ZFHX3: variants seen among roughly 807,000 people sequenced by gnomAD.
ZFHX3 encodes zinc finger homeobox protein 3.
ZFHX3 carries 42 observed loss-of-function variants against 279.1 expected under a neutral mutation model. That is an observed-to-expected ratio of 0.15 (90% CI 0.12 to 0.19). The LOEUF (loss-of-function observed/expected upper bound fraction) is 0.19. Ranked by LOEUF, ZFHX3 falls within the 10% of genes least tolerant of loss-of-function variation. The pLI is 1.00. For missense variants in ZFHX3, 4,981 were observed against 4,754.0 expected, an observed-to-expected ratio of 1.05 and a Z score of -1.40; for synonymous variants, 2,293 against 1,957.8, an observed-to-expected ratio of 1.17 and a Z score of -4.52.
chr16:73,198,120 G>A (rs1173478921), intron 5 of ZFHX3, among the ~76,000 whole-genome samples: 3 of 151,472 alleles, frequency 2.0e-5, no homozygotes, highest in African/African-American at 7.3e-5. Flanking sequence ...TGTATTTTTA[G>A]TAGAGGTGGG....
chr16:73,231,260 A>C (rs2012763532), intron 5 of ZFHX3, among the ~76,000 whole-genome samples: 1 of 152,202 alleles, frequency 6.6e-6, no homozygotes, highest in African/African-American at 2.4e-5. Flanking sequence ...TTGCAGGAGA[A>C]AGCCATCTAT....
At chr16:73,819,775 C>T (rs1322067860) in intron 1 of ZFHX3, among the ~76,000 whole-genome samples, 1 of 152,172 alleles carries the variant, frequency 6.6e-6, no homozygotes, top group African/African-American at 2.4e-5. Context: ...GAAGAAAGCA[C>T]ATTCAGAATG....
chr16:73,607,192 C>T (rs886748373), intron 2 of ZFHX3, among the ~76,000 whole-genome samples: 1 of 152,126 alleles, frequency 6.6e-6, no homozygotes, highest in Non-Finnish European at 1.5e-5. Flanking sequence ...CCATGCCTGG[C>T]TAATTTTTGT....
intron 3 of ZFHX3, among the ~76,000 whole-genome samples, chr16:73,378,879 C>T (rs549901645): frequency 5.3e-5 from 8 of 152,344 alleles, no homozygotes; most frequent in Middle Eastern, 3.4e-3. Flanking sequence ...TTCCGAGATA[C>T]TTACTGTAGT....
chr16:73,488,194 G>C (rs1330510255), intron 2 of ZFHX3, among the ~76,000 whole-genome samples: 1 of 152,210 alleles, frequency 6.6e-6, no homozygotes, highest in Non-Finnish European at 1.5e-5. Flanking sequence ...GCTAATGTAA[G>C]AGCTGCAAAC....
intron 3 of ZFHX3, among the ~76,000 whole-genome samples, chr16:73,378,030 C>CAAAAAAAAAAAAAAAAAAAAAA (rs71156159): frequency 5.6e-5 from 3 of 53,840 alleles, no homozygotes; most frequent in African/African-American, 1.5e-4. Flanking sequence ...GACTCTGTCT[C>CAAAAAAAAAAAAAAAAAAAAAA]AAAAAAAAAA....
chr16:73,319,834 G>C (rs1429569303), intron 3 of ZFHX3, among the ~76,000 whole-genome samples: 2 of 152,242 alleles, frequency 1.3e-5, no homozygotes, highest in Non-Finnish European at 2.9e-5. Context: ...GAAGAAGAGA[G>C]AGGAGAGAGA....
intron 3 of ZFHX3, among the ~76,000 whole-genome samples, chr16:73,413,659 A>G (rs2017513821): frequency 6.6e-6 from 1 of 152,164 alleles, no homozygotes. Flanking sequence ...TGATGATGTC[A>G]TTTATCTAAC....
chr16:73,383,535 C>A (rs1328690605), intron 3 of ZFHX3, among the ~76,000 whole-genome samples: 1 of 152,212 alleles, frequency 6.6e-6, no homozygotes, highest in Non-Finnish European at 1.5e-5. Flanking sequence ...CTGACATTTT[C>A]TGCAAAGGGA....
At chr16:73,622,611 A>T (rs1047853265) in intron 2 of ZFHX3, among the ~76,000 whole-genome samples, 3 of 152,132 alleles carry the variant, frequency 2.0e-5, no homozygotes, top group Non-Finnish European at 4.4e-5. Flanking sequence ...ATCTTCCAAC[A>T]TTAATATTTA....
Position 72,979,123 on chromosome 16 carries a change from CAT to C in ZFHX3, c.-49-18931_-49-18930del, listed in dbSNP as rs1250249508. 2.0e-5 allele frequency among the ~76,000 whole-genome samples: 3 copies of C among 152,318 alleles called. No individual in the cohort carries two copies. In the East Asian group the frequency reaches 5.8e-4, roughly 29 times the overall value. The stretch of plus-strand genomic sequence containing the variant: ...CTGAGTCCTAAGAGAGCGTGGAGCA[CAT>C]GTGATGGGCTACTTTACTCTTTTAC... On this transcript the variant is annotated intron_variant, in intron 1 of 9. Coordinates refer to ENST00000268489, the MANE Select transcript of ZFHX3 (RefSeq NM_006885.4).
chr16:73,571,753 G>A (rs535902191), intron 2 of ZFHX3, among the ~76,000 whole-genome samples: 78 of 152,164 alleles, frequency 5.1e-4, no homozygotes, highest in African/African-American at 1.8e-3. Flanking sequence ...ACACTAAGTC[G>A]AAATTCATGA....
chr16:73,662,000 G>A (rs1195208283), intron 2 of ZFHX3, among the ~76,000 whole-genome samples: 2 of 109,000 alleles, frequency 1.8e-5, no homozygotes, highest in Non-Finnish European at 3.5e-5. Context: ...TAGACACAAC[G>A]GACCAATTTT....
intron 8 of ZFHX3, among the ~76,000 whole-genome samples, chr16:73,091,797 G>C (rs1017809108): frequency 1.3e-5 from 2 of 152,176 alleles, no homozygotes; most frequent in East Asian, 3.9e-4. Flanking sequence ...GATCACTGTA[G>C]CTGAAAACCC....
At position 72,795,655 on chromosome 16, in the gene ZFHX3, G is replaced by T; in HGVS notation, c.7027C>A (p.Leu2343Ile). 1 of 1,614,052 alleles carries T rather than the reference G, an allele frequency of 6.2e-7. No individual in the cohort carries two copies. The highest frequency in any genetic ancestry group is 1.1e-5 in the South Asian group (1 of 91,048). ...CSLVFQRIFD[L>I]IKHQKKLCYK... Reference sequence around the variant, plus strand: ...CACAGCTTCTTCTGGTGCTTGATGAGATCAAAGATGCGCTGAAACACCAGG... The same window carrying T: ...CACAGCTTCTTCTGGTGCTTGATGATATCAAAGATGCGCTGAAACACCAGG... Residue 2343 changes from leucine to isoleucine, a missense_variant, in exon 9 of 10, where the codon CTC becomes ATC. Leu to Ile is a conservative substitution (Grantham distance 5). Transcript: ENST00000268489.
At chr16:72,885,690 G>A (rs1426013190) in intron 4 of ZFHX3, among the ~76,000 whole-genome samples, 1 of 152,200 alleles carries the variant, frequency 6.6e-6, no homozygotes, top group African/African-American at 2.4e-5. Flanking sequence ...CCAGAACTCA[G>A]AAAGGACAAG....
intron 7 of ZFHX3, among the ~76,000 whole-genome samples, chr16:73,105,227 G>C (rs60998193): frequency 6.7e-6 from 1 of 149,512 alleles, no homozygotes. Context: ...GCAACACAGC[G>C]AGACACTGTC....
chr16:73,399,700 T>C (rs577749654), intron 3 of ZFHX3, among the ~76,000 whole-genome samples: 16 of 152,258 alleles, frequency 1.1e-4, no homozygotes, highest in Non-Finnish European at 1.8e-4. Flanking sequence ...TTTGTCTCCA[T>C]GCTGGGGGAC....
intron 1 of ZFHX3, among the ~76,000 whole-genome samples, chr16:73,019,754 C>T (rs953956351): frequency 1.3e-5 from 2 of 152,196 alleles, no homozygotes; most frequent in Non-Finnish European, 2.9e-5. Context: ...CCTCATCCCA[C>T]GTAGAGCAAT....
Sources: allele counts gnomAD v4.1 joint callset (sites outside exome capture counted in the v4.1 genomes callset), GRCh38; gene constraint gnomAD v4.1.1; transcripts MANE v1.5; gene names NCBI Gene and HGNC (gene_info 2026-07-23, HGNC 2026-07-21).